Variants in EYS observed in about 807,000 individuals in gnomAD.
The protein encoded by EYS is protein eyes shut homolog.
EYS carries 250 observed loss-of-function variants against 282.1 expected under a neutral mutation model. The observed-to-expected ratio is 0.89, with a 90% CI of 0.80 to 0.98. The LOEUF (loss-of-function observed/expected upper bound fraction) is 0.98. EYS is among the 50% of genes least tolerant of loss of function. The pLI, the probability that EYS is intolerant of heterozygous loss-of-function variation, is 0.00. For missense variants in EYS, 4,016 were observed against 3,709.0 expected, an observed-to-expected ratio of 1.08 and a Z score of -2.15; for synonymous variants, 1,355 against 1,282.9, an observed-to-expected ratio of 1.06 and a Z score of -1.20.
chr6:64,525,508 C>T (rs555278457), intron 26 of EYS, among the ~76,000 whole-genome samples: 2 of 151,480 alleles, frequency 1.3e-5, no homozygotes, highest in East Asian at 3.9e-4. Flanking sequence ...GCAATAGACA[C>T]TGGGGACTAC....
In EYS at chr6:64,177,168, A is replaced by T. The variant is rs1337978499; in HGVS notation, c.6424+53424T>A. ...TTCATAATTATCAAAGTTACTCTAT[A>T]ACAACTATAATTAATACATATATGA... On this transcript the variant is annotated intron_variant, in intron 31 of 42. Transcript: ENST00000503581. Among the ~76,000 whole-genome samples the T allele has an allele frequency of 2.0e-5, 3 of 151,758 alleles. No homozygotes were observed. The East Asian group carries it at 5.8e-4, about 29-fold the overall frequency.
chr6:64,768,060 T>G (rs1344442268), intron 22 of EYS, among the ~76,000 whole-genome samples: 1 of 152,102 alleles, frequency 6.6e-6, no homozygotes, highest in African/African-American at 2.4e-5. Context: ...GAATAAATTA[T>G]CACCTGGAGC....
chr6:65,375,114 A>G (rs1765310572), intron 8 of EYS, among the ~76,000 whole-genome samples: 1 of 152,132 alleles, frequency 6.6e-6, no homozygotes, highest in African/African-American at 2.4e-5. Context: ...AGAGGTCGAC[A>G]GACACCTCGT....
intron 31 of EYS, among the ~76,000 whole-genome samples, chr6:64,100,988 T>C (rs1772806148): frequency 6.6e-6 from 1 of 152,188 alleles, no homozygotes; most frequent in African/African-American, 2.4e-5. Flanking sequence ...AAGATCTTTT[T>C]TTTTGTGTCT....
intron 12 of EYS, among the ~76,000 whole-genome samples, chr6:65,293,343 CT>C (rs1768578707): frequency 6.6e-6 from 1 of 151,182 alleles, no homozygotes; most frequent in East Asian, 1.9e-4. Context: ...AGGTTATAAC[CT>C]GAAAAAACAC....
intron 12 of EYS, among the ~76,000 whole-genome samples, chr6:65,177,962 G>A (rs2150231234): frequency 6.6e-6 from 1 of 151,990 alleles, no homozygotes; most frequent in Middle Eastern, 3.4e-3. Flanking sequence ...ATTTCAGTTT[G>A]TTAGTCCCTT....
intron 12 of EYS, among the ~76,000 whole-genome samples, chr6:65,173,520 C>T (rs935272126): frequency 6.6e-6 from 1 of 151,096 alleles, no homozygotes; most frequent in African/African-American, 2.4e-5. Context: ...AAAATGTAAC[C>T]TTTGAAGTAC....
chr6:64,260,654 A>G (rs1767555777), intron 30 of EYS, among the ~76,000 whole-genome samples: 1 of 152,004 alleles, frequency 6.6e-6, no homozygotes, highest in African/African-American at 2.4e-5. Flanking sequence ...GCAATATTGT[A>G]GTTTTCTTCA....
chr6:64,573,171 G>A (rs1765777058), intron 26 of EYS, among the ~76,000 whole-genome samples: 1 of 152,086 alleles, frequency 6.6e-6, no homozygotes, highest in Non-Finnish European at 1.5e-5. Context: ...CAAGCAATGG[G>A]GAAAGGATTC....
chr6:65,050,753 T>C (rs1209277104), intron 13 of EYS, among the ~76,000 whole-genome samples: 1 of 151,542 alleles, frequency 6.6e-6, no homozygotes, highest in Non-Finnish European at 1.5e-5. Flanking sequence ...GAAAAACTAA[T>C]TGCTCCATTA....
chr6:63,791,027 G>C (rs1770496193), intron 37 of EYS, among the ~76,000 whole-genome samples: 1 of 152,196 alleles, frequency 6.6e-6, no homozygotes, highest in Non-Finnish European at 1.5e-5. Flanking sequence ...GTCAGGAGGA[G>C]ATAGGAGGTT....
chr6:64,833,119 C>T (rs947626436), intron 19 of EYS, among the ~76,000 whole-genome samples: 1 of 151,848 alleles, frequency 6.6e-6, no homozygotes, highest in Admixed American at 6.6e-5. Context: ...TCTGATTATG[C>T]ATACCTTATT....
chr6:64,872,111 T>C (rs1044255301), intron 19 of EYS, among the ~76,000 whole-genome samples: 2 of 151,944 alleles, frequency 1.3e-5, no homozygotes, highest in Non-Finnish European at 2.9e-5. Flanking sequence ...GCCAGGTAAA[T>C]AGCCTAAATA....
chr6:64,234,258 C>CTTT (rs34953836), intron 30 of EYS, among the ~76,000 whole-genome samples: 3 of 149,568 alleles, frequency 2.0e-5, no homozygotes, highest in Non-Finnish European at 4.5e-5. Context: ...AGAAAACTCA[C>CTTT]TTTTTTTTTT....
intron 8 of EYS, among the ~76,000 whole-genome samples, chr6:65,369,703 T>C (rs1422145578): frequency 1.3e-5 from 2 of 151,714 alleles, no homozygotes; most frequent in African/African-American, 2.4e-5. Flanking sequence ...GAAACTCTCC[T>C]GTGCACTGTA....
rs529931963 is a variant in EYS at position 63,948,259 on chromosome 6, T to C, written c.7055+36124A>G. 2.3e-4 allele frequency among the ~76,000 whole-genome samples: 35 copies of C among 152,344 alleles called. No individual in the cohort carries two copies. The South Asian group carries it at 5.6e-3, about 24-fold the overall frequency. On this transcript the variant is annotated intron_variant, in intron 35 of 42. Coordinates refer to ENST00000503581, the MANE Select transcript of EYS (RefSeq NM_001142800.2). ...TGTAGAAGCTGCCATTGTGTGAAGATGGATATGCCTTTTTTCTCCCTCTTC... is the reference window on the plus strand; with the variant it reads ...TGTAGAAGCTGCCATTGTGTGAAGACGGATATGCCTTTTTTCTCCCTCTTC...
chr6:64,379,903 G>A (rs1772688062), intron 29 of EYS, among the ~76,000 whole-genome samples: 1 of 152,130 alleles, frequency 6.6e-6, no homozygotes, highest in Admixed American at 6.5e-5. Flanking sequence ...ATTTATGGAA[G>A]AGTAGCTTAG....
chr6:63,912,177 TTTTATACCTCTA>T (rs1481728587), intron 35 of EYS, among the ~76,000 whole-genome samples: 1 of 152,166 alleles, frequency 6.6e-6, no homozygotes, highest in African/African-American at 2.4e-5. Flanking sequence ...TTTCTTACCA[TTTTATACCTCTA>T]TTTCAATATC....
intron 26 of EYS, among the ~76,000 whole-genome samples, chr6:64,573,379 A>T (rs987787684): frequency 6.6e-6 from 1 of 152,198 alleles, no homozygotes; most frequent in Non-Finnish European, 1.5e-5. Flanking sequence ...CAAAGACTTC[A>T]TGACTAAAAC....
Sources: gnomAD v4.1 joint callset for allele counts (sites outside exome capture counted in the v4.1 genomes callset) on GRCh38, gnomAD v4.1.1 for gene constraint, MANE v1.5 for transcripts, NCBI Gene and HGNC (gene_info 2026-07-23, HGNC 2026-07-21) for gene names.